ADD1: variants seen among roughly 807,000 people sequenced by gnomAD.
The protein encoded by ADD1 is adducin 1.
In ADD1, 24 loss-of-function variants were observed where a neutral mutation model predicts 80.5. The observed-to-expected ratio is 0.30, with a 90% CI of 0.22 to 0.42. The LOEUF is 0.42. ADD1 is among the 10% of genes least tolerant of loss of function. ADD1 has a pLI of 1.00. For missense variants in ADD1, 948 were observed against 1,019.0 expected (o/e 0.93, Z 0.95); for synonymous variants, 373 against 393.8 (o/e 0.95, Z 0.63).
At chr4:2,849,595 G>A (rs1316363510) in intron 1 of ADD1, among the ~76,000 whole-genome samples, 1 of 152,176 alleles carries the variant, frequency 6.6e-6, no homozygotes, top group African/African-American at 2.4e-5. Flanking sequence ...TCATCATTTG[G>A]GAGGGACCTT....
chr4:2,859,056 A>G (rs963381192), intron 1 of ADD1, among the ~76,000 whole-genome samples: 3 of 152,166 alleles, frequency 2.0e-5, no homozygotes, highest in African/African-American at 4.8e-5. Flanking sequence ...CTGCGCCTCT[A>G]TGTCTGTGGG....
chr4:2,908,344 G>T (rs990752555), intron 11 of ADD1, among the ~76,000 whole-genome samples, 171 bp from the exon 12 acceptor site: 4 of 152,252 alleles, frequency 2.6e-5, no homozygotes, highest in African/African-American at 9.6e-5. Flanking sequence ...GCCCCACTAA[G>T]CAGGCATGGC....
intron 1 of ADD1, among the ~76,000 whole-genome samples, chr4:2,852,191 T>TTTCTTTCC (rs1423506587): frequency 7.3e-5 from 7 of 96,096 alleles, no homozygotes; most frequent in African/African-American, 2.7e-4. Flanking sequence ...TCTTTCTTTC[T>TTTCTTTCC]TTCTTTCCTT....
At chr4:2,886,445 C>A (rs1733383636) in intron 4 of ADD1, among the ~76,000 whole-genome samples, 1 of 152,184 alleles carries the variant, frequency 6.6e-6, no homozygotes, top group Non-Finnish European at 1.5e-5. Context: ...AAAATGTAAG[C>A]CTTACCATGT....
chr4:2,882,420 C>G (rs1017899819), intron 3 of ADD1, among the ~76,000 whole-genome samples: 1 of 152,134 alleles, frequency 6.6e-6, no homozygotes, highest in Non-Finnish European at 1.5e-5. Context: ...CTGCTGTGTC[C>G]CAACTAGTGA....
chr4:2,908,267 A>G (rs1467198770), intron 11 of ADD1, among the ~76,000 whole-genome samples: 3 of 152,242 alleles, frequency 2.0e-5, no homozygotes, highest in Admixed American at 1.3e-4. Flanking sequence ...AGTGAGAGAT[A>G]GGTGTCCTGC....
intron 11 of ADD1, among the ~76,000 whole-genome samples, chr4:2,908,232 C>T (rs1292183509): frequency 6.6e-6 from 1 of 152,228 alleles, no homozygotes; most frequent in African/African-American, 2.4e-5. Context: ...GGACATGCAG[C>T]GAGTGTTTCC....
chr4:2,926,082 C>T lies in ADD1; in HGVS notation c.2017C>T (p.Pro673Ser), dbSNP rs760404515. ...PPDQPAVPHP[P>S]PSTPIKLEED... ...AGACCAGCCTGCGGTCCCCCACCCGCCTCCCAGCACTCCCATCAAGCTGGA... is the reference window on the plus strand; with the variant it reads ...AGACCAGCCTGCGGTCCCCCACCCGTCTCCCAGCACTCCCATCAAGCTGGA... Residue 673 changes from proline to serine, a missense_variant, in exon 15 of 16, where the codon CCT becomes TCT. By Grantham distance (74) the Pro-to-Ser change is moderately conservative. Coordinates refer to ENST00000683351, the MANE Select transcript of ADD1 (RefSeq NM_001354761.2). The surrounding 1 kb of genome is among the most constrained non-coding windows in gnomAD (Gnocchi z 5.0). The T allele has an allele frequency of 4.0e-5, 64 of 1,614,056 alleles. No individual in the cohort carries two copies. The highest frequency in any genetic ancestry group is 5.1e-5 in the Non-Finnish European group (60 of 1,180,024).
intron 11 of ADD1, 148 bp downstream of exon 11, chr4:2,907,992 G>C (rs1340248249): frequency 4.5e-6 from 3 of 667,062 alleles, no homozygotes; most frequent in East Asian, 2.7e-5. Context: ...TCACACCGCT[G>C]CTGTTCTACC....
chr4:2,846,068 A>G (rs1265381810), intron 1 of ADD1, among the ~76,000 whole-genome samples: 1 of 152,230 alleles, frequency 6.6e-6, no homozygotes, highest in African/African-American at 2.4e-5. Flanking sequence ...ACAAAAGGTA[A>G]ACATGAGTAC....
In ADD1 at chr4:2,926,412, G is replaced by A. The variant is rs1711636153; in HGVS notation, c.2047+300G>A. ...ACTCCTCGTGCCGTGTTGTCATGCA[G>A]ATGCCACCTTCGGAGGTGCCCTCCG... is the stretch of plus-strand genomic sequence containing the variant. On this transcript the variant is annotated intron_variant, in intron 15 of 15. Coordinates refer to ENST00000683351, the MANE Select transcript of ADD1 (RefSeq NM_001354761.2). The surrounding 1 kb of genome is among the most constrained non-coding windows in gnomAD (Gnocchi z 5.0). The A allele has an allele frequency of 2.9e-6, 2 of 695,090 alleles. No homozygotes were observed. The highest frequency in any genetic ancestry group is 4.0e-5 in the Admixed American group (2 of 49,572). The allele number at this position is 695,090 out of a possible 1,614,324, so 43.1% of individuals were successfully genotyped here.
chr4:2,893,982 C>T (rs763204002), intron 4 of ADD1, 31 bp from the exon 5 acceptor site: 36 of 1,587,248 alleles, frequency 2.3e-5, no homozygotes, highest in Non-Finnish European at 2.9e-5. Context: ...TCACTTGGAT[C>T]TTTGAGCTAA....
At chr4:2,900,836 A>G (rs1334096793) in intron 9 of ADD1, 3 of 152,244 alleles carry the variant, frequency 2.0e-5, no homozygotes, top group Admixed American at 1.3e-4. Context: ...TTGAGTTCAT[A>G]TAATCAGTGA....
intron 4 of ADD1, among the ~76,000 whole-genome samples, chr4:2,889,235 G>A (rs957094401): frequency 6.6e-6 from 1 of 152,172 alleles, no homozygotes; most frequent in African/African-American, 2.4e-5. Context: ...TCAGCGGGGT[G>A]GGGGATGGAC....
At chr4:2,909,628 G>A (rs1167070190) in intron 13 of ADD1, among the ~76,000 whole-genome samples, 197 bp downstream of exon 13, 2 of 152,256 alleles carry the variant, frequency 1.3e-5, no homozygotes, top group East Asian at 1.9e-4. Flanking sequence ...TATGAGGTGT[G>A]ATAACAATTT....
At chr4:2,878,947 G>A (rs907886987) in intron 2 of ADD1, among the ~76,000 whole-genome samples, 2 of 152,126 alleles carry the variant, frequency 1.3e-5, no homozygotes, top group African/African-American at 4.8e-5. Context: ...GATGCTAGGA[G>A]GGGGTGGTTG....
chr4:2,864,637 A>T (rs1480110598), intron 1 of ADD1, among the ~76,000 whole-genome samples: 1 of 152,074 alleles, frequency 6.6e-6, no homozygotes, highest in Non-Finnish European at 1.5e-5. Flanking sequence ...CCCTTCTGCC[A>T]GGTGGCCCTA....
chr4:2,894,868 TAA>T, intron 6 of ADD1, 137 bp downstream of exon 6: 2 of 959,698 alleles, frequency 2.1e-6, no homozygotes, highest in Non-Finnish European at 2.9e-6. Flanking sequence ...GGTGTACCAC[TAA>T]GTTTGACTTT....
intron 1 of ADD1, among the ~76,000 whole-genome samples, chr4:2,868,458 C>G (rs147349038): frequency 6.6e-6 from 1 of 152,336 alleles, no homozygotes; most frequent in African/African-American, 2.4e-5. Flanking sequence ...TGTTTACAAT[C>G]TTGTTACTCT....
Sources: allele counts gnomAD v4.1 joint callset (sites outside exome capture counted in the v4.1 genomes callset), GRCh38; gene constraint gnomAD v4.1.1; non-coding constraint Gnocchi (gnomAD v3.1); transcripts MANE v1.5; gene names NCBI Gene and HGNC (gene_info 2026-07-23, HGNC 2026-07-21).